Variants in IQCH observed in about 807,000 individuals in gnomAD.
IQCH encodes the protein IQ motif containing H.
In IQCH, 98 loss-of-function variants were observed where a neutral mutation model predicts 117.0. The ratio of observed to expected loss-of-function variants is 0.84; its 90% confidence interval spans 0.71 to 0.99. The LOEUF is 0.99. Among genes scored for constraint, IQCH ranks in the 50% least tolerant of loss-of-function variants. The pLI, the probability that IQCH is intolerant of heterozygous loss-of-function variation, is 0.00. For missense variants in IQCH, 1,102 were observed against 1,243.8 expected, an observed-to-expected ratio of 0.89 and a Z score of 1.72; for synonymous variants, 412 against 448.2, an observed-to-expected ratio of 0.92 and a Z score of 1.02.
Position 67,381,895 on chromosome 15 carries a change from C to T in IQCH, c.1373-3041C>T, listed in dbSNP as rs1401480025. ...AATTGAGAGGCTGAGGTGGGAGGATCACTTGAGCCCAGGAGGTTGAGGCTG... is the reference window on the plus strand; with the variant it reads ...AATTGAGAGGCTGAGGTGGGAGGATTACTTGAGCCCAGGAGGTTGAGGCTG... On this transcript the variant is annotated intron_variant, in intron 10 of 20. Transcript: ENST00000335894. This position sits in a 1 kb window ranked among gnomAD's most constrained non-coding sequence, Gnocchi z 5.1. Among the ~76,000 whole-genome samples, 1 of 151,590 alleles carries T rather than the reference C, an allele frequency of 6.6e-6. No individual in the cohort carries two copies. The highest frequency in any genetic ancestry group is 1.5e-5 in the Non-Finnish European group (1 of 67,954).
At chr15:67,258,827 A>C (rs1280420630) in intron 1 of IQCH, among the ~76,000 whole-genome samples, 1 of 152,182 alleles carries the variant, frequency 6.6e-6, no homozygotes, top group Non-Finnish European at 1.5e-5. Flanking sequence ...GTAAAATTTC[A>C]ATATGGTAGA....
chr15:67,260,698 G>A (rs1965419320), intron 1 of IQCH, among the ~76,000 whole-genome samples: 1 of 152,172 alleles, frequency 6.6e-6, no homozygotes, highest in South Asian at 2.1e-4. Context: ...TTGAGTTGCA[G>A]TGTTATCTTA....
chr15:67,484,025 G>A (rs1460284431), intron 18 of IQCH, among the ~76,000 whole-genome samples: 1 of 152,186 alleles, frequency 6.6e-6, no homozygotes, highest in Non-Finnish European at 1.5e-5. Flanking sequence ...AACTCTAGGA[G>A]TAAGGACACT....
Position 67,408,200 on chromosome 15 carries a change from C to T in IQCH, c.2097+7895C>T, listed in dbSNP as rs962785822. 3 of 152,230 alleles carry T rather than the reference C, an allele frequency of 2.0e-5. No homozygotes were observed. Among genetic ancestry groups the T allele is most frequent in the Admixed American group, 6.5e-5 (1 of 15,284 alleles). The allele number at this position is 152,230 out of a possible 1,614,324, so 9.4% of individuals were successfully genotyped here. On this transcript the variant is annotated intron_variant, in intron 14 of 20. Transcript: ENST00000335894. The surrounding 1 kb of genome is among the most constrained non-coding windows in gnomAD (Gnocchi z 4.2). ...GAACGAGAATTGGTTAGTGTTCTCA[C>T]ATCCAGGAAGTCCCTGTTGGAGGTC...
chr15:67,465,132 G>A lies in IQCH; in HGVS notation c.2511G>A (p.Trp837Ter). The A allele has an allele frequency of 1.2e-6, 2 of 1,613,802 alleles. No homozygotes were observed. Among genetic ancestry groups the A allele is most frequent in the Non-Finnish European group, 1.7e-6 (2 of 1,179,872 alleles). Residue 837 changes from tryptophan to a stop codon, truncating the protein, a stop_gained, in exon 17 of 21, where the codon TGG becomes TGA. Transcript: ENST00000335894. LOFTEE classifies it high-confidence loss of function. This position sits in a 1 kb window ranked among gnomAD's most constrained non-coding sequence, Gnocchi z 5.9. ...ACGGCTCCTGTTTTAATCAGGTGTG[G>A]GCAACCGGCCTTAACCTCGCATATA... ...IDPSTLEQQV[W>*]ATGLNLAYSD...
At position 67,466,023 on chromosome 15, in the gene IQCH, G is replaced by C. The variant is rs796131841; in HGVS notation, c.2676+726G>C. ...GTTCCCCTGTGTGTGATTTTGAATGGACTCCTGTGATCTTCAGGAAAATCC... is the reference window on the plus strand; with the variant it reads ...GTTCCCCTGTGTGTGATTTTGAATGCACTCCTGTGATCTTCAGGAAAATCC... On this transcript the variant is annotated intron_variant, in intron 17 of 20. Coordinates refer to ENST00000335894, the MANE Select transcript of IQCH (RefSeq NM_001031715.3). The surrounding 1 kb of genome is among the most constrained non-coding windows in gnomAD (Gnocchi z 4.4). Among the ~76,000 whole-genome samples, 5 of 152,308 alleles carry C rather than the reference G, an allele frequency of 3.3e-5. No individual in the cohort carries two copies. The highest frequency in any genetic ancestry group is 1.2e-4 in the African/African-American group (5 of 41,564).
intron 3 of IQCH, 104 bp downstream of exon 3, chr15:67,263,320 T>G: frequency 1.5e-6 from 1 of 645,306 alleles, no homozygotes; most frequent in Non-Finnish European, 2.8e-6. Context: ...TTTCTTGGCT[T>G]TCTTAACATC....
At chr15:67,398,239 G>T (rs141574446) in intron 13 of IQCH, among the ~76,000 whole-genome samples, 2 of 152,172 alleles carry the variant, frequency 1.3e-5, no homozygotes, top group East Asian at 3.9e-4. Context: ...ACTAGCAAAA[G>T]AATTTTATCT....
intron 4 of IQCH, among the ~76,000 whole-genome samples, chr15:67,321,854 G>C (rs1173599277): frequency 6.6e-6 from 1 of 152,076 alleles, no homozygotes; most frequent in African/African-American, 2.4e-5. Flanking sequence ...TCAATCTTTT[G>C]AAATTGATTG....
At chr15:67,434,157 C>T (rs1024525162) in intron 16 of IQCH, among the ~76,000 whole-genome samples, 3 of 152,086 alleles carry the variant, frequency 2.0e-5, no homozygotes, top group Admixed American at 6.6e-5. Context: ...ACTATAGTCA[C>T]CATGCTATAC....
At chr15:67,276,982 G>C (rs1051097555) in intron 3 of IQCH, among the ~76,000 whole-genome samples, 2 of 152,000 alleles carry the variant, frequency 1.3e-5, no homozygotes, top group African/African-American at 4.8e-5. Flanking sequence ...TGAATATTCT[G>C]TACTGTTTTG....
At chr15:67,297,459 A>G (rs952576778) in intron 4 of IQCH, among the ~76,000 whole-genome samples, 3 of 152,122 alleles carry the variant, frequency 2.0e-5, no homozygotes, top group African/African-American at 7.2e-5. Context: ...TAAAATAACC[A>G]TTATCACCTG....
Position 67,490,048 on chromosome 15 carries a change from C to T in IQCH, c.2845C>T (p.His949Tyr). 5.0e-6 allele frequency: 8 copies of T among 1,611,790 alleles called. No individual in the cohort carries two copies. Among genetic ancestry groups the T allele is most frequent in the Non-Finnish European group, 6.8e-6 (8 of 1,178,054 alleles). Residue 949 changes from histidine to tyrosine, a missense_variant, in exon 19 of 21, where the codon CAC becomes TAC. Transcript: ENST00000335894. The surrounding 1 kb of genome is among the most constrained non-coding windows in gnomAD (Gnocchi z 4.9). ...TATATTATATGAGCACCTGAAGAGA[C>T]ACAAGTTGGGAATGTTGTGAGTATG... ...VFILYEHLKR[H>Y]KLGMLTIGED...
Position 67,376,424 on chromosome 15 carries a change from A to G in IQCH, c.1372+2991A>G, listed in dbSNP as rs1458627642. ...TTTCCAAAGTTGAGACAGATTCACT[A>G]GTCAAAATCAGTTGGTAGGATTGTC... is the stretch of plus-strand genomic sequence containing the variant. On this transcript the variant is annotated intron_variant, in intron 10 of 20. Transcript: ENST00000335894. The surrounding 1 kb of genome is among the most constrained non-coding windows in gnomAD (Gnocchi z 5.0). 1.3e-5 allele frequency among the ~76,000 whole-genome samples: 2 copies of G among 152,238 alleles called. No individual in the cohort carries two copies. Among genetic ancestry groups the G allele is most frequent in the Non-Finnish European group, 2.9e-5 (2 of 68,034 alleles).
At chr15:67,288,278 T>A (rs1966634967) in intron 4 of IQCH, among the ~76,000 whole-genome samples, 1 of 152,064 alleles carries the variant, frequency 6.6e-6, no homozygotes. Context: ...GTAGTGCAGA[T>A]CAAGTCTGAT....
chr15:67,381,055 C>G lies in IQCH; in HGVS notation c.1373-3881C>G, dbSNP rs1223188185. On this transcript the variant is annotated intron_variant, in intron 10 of 20. Transcript: ENST00000335894. This position sits in a 1 kb window ranked among gnomAD's most constrained non-coding sequence, Gnocchi z 5.1. ...AAGAACGTGTGATCTGCTGCAACAA[C>G]AGGGGCCTGTCACAGAGACATGCAC... Among the ~76,000 whole-genome samples the G allele has an allele frequency of 2.0e-5, 3 of 152,190 alleles. No homozygotes were observed. Among genetic ancestry groups the G allele is most frequent in the Non-Finnish European group, 4.4e-5 (3 of 68,028 alleles).
In IQCH at chr15:67,254,962, T is replaced by TA; in HGVS notation, c.51+15_51+16insA. ...TCTTAATCCAGGTGGGAAACGGGCT[T>TA]CCCCCGGCCCTGCCCTGCCCAGCCG... is the stretch of plus-strand genomic sequence containing the variant. On this transcript the variant is annotated intron_variant, in intron 1 of 20. Transcript: ENST00000335894. 2 of 1,610,970 alleles carry TA rather than the reference T, an allele frequency of 1.2e-6. No homozygotes were observed. The highest frequency in any genetic ancestry group is 1.7e-6 in the Non-Finnish European group (2 of 1,178,418).
At chr15:67,282,803 A>G (rs1596094806) in intron 4 of IQCH, among the ~76,000 whole-genome samples, 2 of 152,216 alleles carry the variant, frequency 1.3e-5, no homozygotes, top group Non-Finnish European at 2.9e-5. Context: ...CCAAAAGTGG[A>G]TAGCTGTTTT....
rs1034357025 is a variant in IQCH, at chr15:67,457,009, G to A, written c.2506-8118G>A. 1.3e-5 allele frequency among the ~76,000 whole-genome samples: 2 copies of A among 152,138 alleles called. No individual in the cohort carries two copies. The highest frequency in any genetic ancestry group is 4.8e-5 in the African/African-American group (2 of 41,420). On this transcript the variant is annotated intron_variant, in intron 16 of 20. Transcript: ENST00000335894. The surrounding 1 kb of genome is among the most constrained non-coding windows in gnomAD (Gnocchi z 5.7). ...AGGATTAACAGAGACAGAGGGGAAGGCCTCTAAGCTGAAAACCAAGAGGCT... is the reference window on the plus strand; with the variant it reads ...AGGATTAACAGAGACAGAGGGGAAGACCTCTAAGCTGAAAACCAAGAGGCT...
Sources: allele counts gnomAD v4.1 joint callset (sites outside exome capture counted in the v4.1 genomes callset), GRCh38; gene constraint gnomAD v4.1.1; non-coding constraint Gnocchi (gnomAD v3.1); transcripts MANE v1.5; gene names NCBI Gene and HGNC (gene_info 2026-07-23, HGNC 2026-07-21).